GSAP: variants seen among roughly 807,000 people sequenced by gnomAD.
GSAP encodes the protein gamma-secretase-activating protein.
In GSAP, 118 loss-of-function variants were observed where a neutral mutation model predicts 131.7. The ratio of observed to expected loss-of-function variants is 0.90; its 90% CI spans 0.77 to 1.04. The LOEUF (loss-of-function observed/expected upper bound fraction) is 1.04, where lower values mean the gene tolerates loss of function less well. Ranked by LOEUF, GSAP falls within the 50% of genes least tolerant of loss-of-function variation. The pLI is 0.00. For synonymous variants in GSAP, 381 were observed against 363.4 expected (o/e 1.05, Z -0.55); for missense variants, 1,019 against 1,013.2 (o/e 1.01, Z -0.08).
At chr7:77,344,946 A>C (rs898430560) in intron 19 of GSAP, among the ~76,000 whole-genome samples, 4 of 152,272 alleles carry the variant, frequency 2.6e-5, no homozygotes, top group Admixed American at 6.5e-5. Context: ...ACAACAACAA[A>C]AAAAGAAAGG....
intron 19 of GSAP, among the ~76,000 whole-genome samples, chr7:77,332,786 G>C (rs945868471): frequency 3.3e-5 from 5 of 152,100 alleles, no homozygotes; most frequent in African/African-American, 1.2e-4. Context: ...ATAGATATTA[G>C]ATATATCTAT....
chr7:77,334,671 T>C (rs1323911292), intron 19 of GSAP, among the ~76,000 whole-genome samples: 1 of 147,208 alleles, frequency 6.8e-6, no homozygotes, highest in Non-Finnish European at 1.5e-5. Flanking sequence ...AAGCAAATAC[T>C]GTACTCATCA....
At chr7:77,400,095 T>C (rs910406562) in intron 3 of GSAP, among the ~76,000 whole-genome samples, 10 of 152,074 alleles carry the variant, frequency 6.6e-5, no homozygotes, top group African/African-American at 2.2e-4. Flanking sequence ...CCCACTCCCA[T>C]CTCTACCAGC....
chr7:77,395,832 A>C (rs1800286022), intron 5 of GSAP, among the ~76,000 whole-genome samples: 1 of 152,328 alleles, frequency 6.6e-6, no homozygotes, highest in Non-Finnish European at 1.5e-5. Flanking sequence ...CTATGCTAAC[A>C]AAAGAAGTAA....
chr7:77,321,168 A>C (rs1041588990), intron 25 of GSAP, among the ~76,000 whole-genome samples, 165 bp downstream of exon 25: 1 of 152,226 alleles, frequency 6.6e-6, no homozygotes, highest in Non-Finnish European at 1.5e-5. Flanking sequence ...TAAAGGGTAC[A>C]TATGCAGGGG....
At chr7:77,322,593 T>G (rs1787814950) in intron 24 of GSAP, among the ~76,000 whole-genome samples, 1 of 135,926 alleles carries the variant, frequency 7.4e-6, no homozygotes, top group Non-Finnish European at 1.6e-5. Context: ...TTTTTTTTTT[T>G]TTTTTTTTTT....
In GSAP at chr7:77,353,571, C is replaced by T. The variant is rs1793218958; in HGVS notation, c.1408+1G>A. The T allele has an allele frequency of 6.3e-7, 1 of 1,599,068 alleles. No homozygotes were observed. Among genetic ancestry groups the T allele is most frequent in the East Asian group, 2.2e-5 (1 of 44,718 alleles). ...TAAGCTGCAACATCAGCAACACTTA[C>T]CAATTATAAATTCCTGAATGAGGTC... On this transcript the variant is annotated splice_donor_variant, in intron 17 of 30. Coordinates refer to ENST00000257626, the MANE Select transcript of GSAP (RefSeq NM_017439.4). LOFTEE classifies it high-confidence loss of function.
At chr7:77,330,105 A>G (rs1278319057) in intron 20 of GSAP, 134 bp downstream of exon 20, 1 of 1,042,374 alleles carries the variant, frequency 9.6e-7, no homozygotes, top group Non-Finnish European at 1.4e-6. Flanking sequence ...TGAGATCAGT[A>G]ATGACAATGA....
At chr7:77,346,646 G>T (rs1791919390) in intron 19 of GSAP, among the ~76,000 whole-genome samples, 1 of 151,760 alleles carries the variant, frequency 6.6e-6, no homozygotes, top group Non-Finnish European at 1.5e-5. Flanking sequence ...GGAGTTCAAG[G>T]TTGCAGTGAG....
At chr7:77,314,606 A>G (rs767007391) in intron 26 of GSAP, 117 bp from the exon 27 acceptor site, 2 of 1,110,560 alleles carry the variant, frequency 1.8e-6, no homozygotes, top group African/African-American at 1.6e-5. Context: ...CCTGGAACCA[A>G]CTGAATTTCT....
At chr7:77,353,707 G>A in intron 16 of GSAP, 66 bp from the exon 17 acceptor site, 1 of 913,512 alleles carries the variant, frequency 1.1e-6, no homozygotes, top group Middle Eastern at 2.2e-4. Context: ...TACCAAAGAA[G>A]TACAAATATA....
chr7:77,335,099 A>T (rs925584652), intron 19 of GSAP, among the ~76,000 whole-genome samples: 1 of 148,884 alleles, frequency 6.7e-6, no homozygotes, highest in Non-Finnish European at 1.5e-5. Context: ...AAAAAAAAAG[A>T]AAAAAAGAAA....
intron 19 of GSAP, among the ~76,000 whole-genome samples, chr7:77,339,417 G>A (rs570820997): frequency 6.6e-6 from 1 of 152,296 alleles, no homozygotes; most frequent in South Asian, 2.1e-4. Context: ...CTTCTCCTGA[G>A]TCCAGGGCTA....
intron 12 of GSAP, among the ~76,000 whole-genome samples, chr7:77,363,386 G>C (rs1390790064): frequency 6.6e-6 from 1 of 152,224 alleles, no homozygotes; most frequent in Non-Finnish European, 1.5e-5. Context: ...ATTGAGGACA[G>C]TATGCTTAAA....
chr7:77,330,024 GT>G lies in GSAP; in HGVS notation c.1674+214del, dbSNP rs1328861294. On this transcript the variant is annotated intron_variant, in intron 20 of 30. Transcript: ENST00000257626. ...TACTTCTACTATGAATGTGCTGTGTGTCCCCTTAAACTTTCTGCTTTTCAGT... is the reference window on the plus strand; with the variant it reads ...TACTTCTACTATGAATGTGCTGTGTGCCCCTTAAACTTTCTGCTTTTCAGT... 1.3e-4 allele frequency: 51 copies of G among 393,038 alleles called. 1 individual carries two copies. Among genetic ancestry groups the G allele is most frequent in the African/African-American group, 9.8e-4 (47 of 47,990 alleles). 24.3% of individuals were successfully genotyped at this position (393,038 alleles called of 1,614,324 possible). A position where few individuals can be genotyped will look rare whatever the true frequency, so the allele number is the denominator to read the frequency against.
rs1323775643 is a variant in GSAP, at chr7:77,416,327, G to C, written c.-6C>G. On this transcript the variant is annotated 5_prime_UTR_variant, in exon 1 of 31. Transcript: ENST00000257626. ...GCGACCAGGCGAAGAGCCATCGCCC[G>C]GACACGACCACCGGGCGGCTCTGGG... 1 of 1,479,122 alleles carries C rather than the reference G, an allele frequency of 6.8e-7. No homozygotes were observed. Among genetic ancestry groups the C allele is most frequent in the Admixed American group, 2.4e-5 (1 of 42,164 alleles). The allele number at this position is 1,479,122 out of a possible 1,614,324, so 91.6% of individuals were successfully genotyped here.
chr7:77,385,294 A>C (rs1276561474), intron 6 of GSAP, among the ~76,000 whole-genome samples: 3 of 152,152 alleles, frequency 2.0e-5, no homozygotes, highest in African/African-American at 7.2e-5. Context: ...TTGGCCTCCT[A>C]AAGTGCTAGG....
At chr7:77,363,441 A>C (rs1240762627) in intron 12 of GSAP, among the ~76,000 whole-genome samples, 4 of 152,234 alleles carry the variant, frequency 2.6e-5, no homozygotes, top group Non-Finnish European at 1.5e-5. Flanking sequence ...TAGGAGATTG[A>C]CAGGTAGAAA....
chr7:77,343,292 T>C (rs888427131), intron 19 of GSAP, among the ~76,000 whole-genome samples: 1 of 152,214 alleles, frequency 6.6e-6, no homozygotes, highest in Non-Finnish European at 1.5e-5. Context: ...CTGACGCATA[T>C]ACTTTCTGCC....
Sources: allele counts gnomAD v4.1 joint callset (sites outside exome capture counted in the v4.1 genomes callset), GRCh38; gene constraint gnomAD v4.1.1; transcripts MANE v1.5; gene names NCBI Gene and HGNC (gene_info 2026-07-23, HGNC 2026-07-21).